NRXN1: variants seen among roughly 807,000 people sequenced by gnomAD.
NRXN1 encodes neurexin 1, also known as neurexin-1.
NRXN1 carries 39 observed loss-of-function variants against 150.9 expected under a neutral mutation model. The ratio of observed to expected loss-of-function variants is 0.26; its 90% CI spans 0.20 to 0.34. NRXN1 has a LOEUF of 0.34. Ranked by LOEUF, NRXN1 falls within the 10% of genes least tolerant of loss-of-function variation. The pLI, the probability that NRXN1 is intolerant of heterozygous loss-of-function variation, is 1.00. For missense variants in NRXN1, 1,815 were observed against 1,949.9 expected (o/e 0.93, Z 1.30); for synonymous variants, 924 against 757.0 (o/e 1.22, Z -3.62).
chr2:51,027,844 G>C lies in NRXN1; in HGVS notation c.430C>G (p.Arg144Gly), dbSNP rs1398835622. The C allele has an allele frequency of 6.2e-7, 1 of 1,613,152 alleles. No homozygotes were observed. The highest frequency in any genetic ancestry group is 8.5e-7 in the Non-Finnish European group (1 of 1,179,720). ...CCGCTGAACACCGTCATGTCCCTGC[G>C]CTTGGACTTGACCTCCACCCACTTG... Reference protein sequence around the residue: ...EAKWVEVKSKRRDMTVFSGLF... With the variant: ...EAKWVEVKSKGRDMTVFSGLF... The change falls in exon 2 of 23, where the codon CGC becomes GGC. Residue 144 changes from arginine to glycine, a missense_variant. Arg to Gly is a moderately radical substitution (Grantham distance 125). Around this residue, in one of 6 missense-constraint regions of NRXN1, gnomAD observed 554 missense variants for 478.8 expected, o/e 1.16. Coordinates refer to ENST00000401669, the MANE Select transcript of NRXN1 (RefSeq NM_001330078.2).
intron 2 of NRXN1, among the ~76,000 whole-genome samples, chr2:50,967,417 C>T (rs765451964): frequency 4.6e-5 from 7 of 151,908 alleles, no homozygotes; most frequent in Non-Finnish European, 1.0e-4. Flanking sequence ...CACAAAGCCA[C>T]CTAAATTAAA....
intron 17 of NRXN1, among the ~76,000 whole-genome samples, chr2:50,280,043 T>C (rs1315793324): frequency 1.3e-5 from 2 of 151,594 alleles, no homozygotes; most frequent in South Asian, 2.1e-4. Flanking sequence ...ATTTGGGAGG[T>C]CGAGGCGGGT....
intron 17 of NRXN1, among the ~76,000 whole-genome samples, chr2:50,269,284 C>A (rs1035546738): frequency 6.6e-6 from 1 of 152,174 alleles, no homozygotes; most frequent in African/African-American, 2.4e-5. Flanking sequence ...TGAGTCCTTG[C>A]AGGTGTGGAA....
chr2:50,728,538 A>G (rs1697680469), intron 5 of NRXN1, among the ~76,000 whole-genome samples: 1 of 152,170 alleles, frequency 6.6e-6, no homozygotes, highest in Non-Finnish European at 1.5e-5. Context: ...TTTTGACATT[A>G]GTGTACCTTA....
At position 50,837,714 on chromosome 2, in the gene NRXN1, A is replaced by G. The variant is rs533191165; in HGVS notation, c.832+84155T>C. On this transcript the variant is annotated intron_variant, in intron 5 of 22. Coordinates refer to ENST00000401669, the MANE Select transcript of NRXN1 (RefSeq NM_001330078.2). The stretch of plus-strand genomic sequence containing the variant: ...ATGCATACAAAATATTTTAGCATAA[A>G]CCAGAAATATTTTTGCATAAGCCAA... Among the ~76,000 whole-genome samples, 5 of 152,242 alleles carry G rather than the reference A, an allele frequency of 3.3e-5. No individual in the cohort carries two copies. In the South Asian group the frequency reaches 1.0e-3, roughly 32 times the overall value.
At chr2:50,459,007 G>A (rs951814167) in intron 17 of NRXN1, among the ~76,000 whole-genome samples, 1 of 151,994 alleles carries the variant, frequency 6.6e-6, no homozygotes, top group African/African-American at 2.4e-5. Context: ...TATTAATTAT[G>A]ATATTAGCAC....
chr2:50,077,843 C>T (rs1286420733), intron 19 of NRXN1, among the ~76,000 whole-genome samples: 1 of 151,816 alleles, frequency 6.6e-6, no homozygotes, highest in Non-Finnish European at 1.5e-5. Context: ...AGATAATATG[C>T]CCAAGATGAC....
intron 18 of NRXN1, among the ~76,000 whole-genome samples, chr2:50,192,714 C>A (rs1488701022): frequency 6.6e-6 from 1 of 152,106 alleles, no homozygotes; most frequent in Non-Finnish European, 1.5e-5. Flanking sequence ...TCAAATGATT[C>A]TTGTGCCTCA....
intron 2 of NRXN1, among the ~76,000 whole-genome samples, chr2:50,986,158 C>T (rs1697668203): frequency 6.6e-6 from 1 of 151,644 alleles, no homozygotes; most frequent in Non-Finnish European, 1.5e-5. Context: ...ACATAATTCT[C>T]TCTCCATGAG....
At chr2:50,026,521 C>G (rs1688305396) in intron 21 of NRXN1, among the ~76,000 whole-genome samples, 2 of 152,102 alleles carry the variant, frequency 1.3e-5, no homozygotes. Context: ...AACATTTCAT[C>G]AATTACAAAA....
intron 5 of NRXN1, among the ~76,000 whole-genome samples, chr2:50,630,293 A>G (rs1682038441): frequency 6.6e-6 from 1 of 151,730 alleles, no homozygotes; most frequent in South Asian, 2.1e-4. Flanking sequence ...TGGTAGATTG[A>G]ACAAATGGAT....
chr2:51,022,691 T>C (rs898016883), intron 2 of NRXN1, among the ~76,000 whole-genome samples: 1 of 152,194 alleles, frequency 6.6e-6, no homozygotes, highest in Admixed American at 6.5e-5. Context: ...GCAAAATCTC[T>C]GAATCATTTT....
chr2:50,907,735 A>C (rs1248189137), intron 5 of NRXN1, among the ~76,000 whole-genome samples: 1 of 152,074 alleles, frequency 6.6e-6, no homozygotes, highest in Non-Finnish European at 1.5e-5. Flanking sequence ...AGGCAGCCTC[A>C]AAAAAGATAG....
At chr2:50,873,384 T>C (rs1466219723) in intron 5 of NRXN1, among the ~76,000 whole-genome samples, 1 of 151,858 alleles carries the variant, frequency 6.6e-6, no homozygotes, top group African/African-American at 2.4e-5. Context: ...CACTGTATAG[T>C]TACTTCTAAA....
At chr2:50,955,073 C>G (rs1692061135) in intron 2 of NRXN1, among the ~76,000 whole-genome samples, 1 of 151,934 alleles carries the variant, frequency 6.6e-6, no homozygotes, top group African/African-American at 2.4e-5. Context: ...CTACTCATCT[C>G]TCTCTCTCTA....
At chr2:50,128,260 G>C (rs1704908778) in intron 18 of NRXN1, among the ~76,000 whole-genome samples, 1 of 151,982 alleles carries the variant, frequency 6.6e-6, no homozygotes, top group South Asian at 2.1e-4. Context: ...GAGGAAAAAA[G>C]AAAAAAGAGA....
chr2:50,354,636 T>C (rs1315067224), intron 17 of NRXN1, among the ~76,000 whole-genome samples: 4 of 148,476 alleles, frequency 2.7e-5, no homozygotes, highest in South Asian at 2.1e-4. Context: ...GGGTTTTTTT[T>C]CCCCTTGTTT....
intron 15 of NRXN1, among the ~76,000 whole-genome samples, chr2:50,473,543 A>C (rs2089715291): frequency 6.6e-6 from 1 of 152,050 alleles, no homozygotes; most frequent in Non-Finnish European, 1.5e-5. Context: ...CCAGTCTACA[A>C]GTTCTGTAAC....
At chr2:50,943,350 G>C (rs574228723) in intron 2 of NRXN1, among the ~76,000 whole-genome samples, 2 of 152,132 alleles carry the variant, frequency 1.3e-5, no homozygotes, top group African/African-American at 4.8e-5. Flanking sequence ...GGCAAAAACT[G>C]CAATTACTTT....
Sources: gnomAD v4.1 joint callset for allele counts (sites outside exome capture counted in the v4.1 genomes callset) on GRCh38, gnomAD v4.1.1 for gene constraint, gnomAD v4.1.1 regional missense constraint, MANE v1.5 for transcripts, NCBI Gene and HGNC (gene_info 2026-07-23, HGNC 2026-07-21) for gene names.